The following CHEK2 variants were observed in gnomAD, a reference collection of about 807,000 sequenced individuals.
The protein encoded by CHEK2 is serine/threonine-protein kinase Chk2.
Under a neutral mutation model 69.1 loss-of-function variants are expected in CHEK2, and 71 were observed. That is an observed-to-expected ratio of 1.03 (90% confidence interval 0.85 to 1.25). The LOEUF is 1.25. CHEK2 is among the 50% of genes most tolerant of loss of function. The pLI, the probability that CHEK2 is intolerant of heterozygous loss-of-function variation, is 0.00. For missense variants in CHEK2, 664 were observed against 649.6 expected (o/e 1.02, Z -0.24); for synonymous variants, 189 against 226.9 (o/e 0.83, Z 1.50).
intron 7 of CHEK2, among the ~76,000 whole-genome samples, chr22:28,705,623 T>C (rs1398016717): frequency 2.0e-5 from 3 of 152,096 alleles, no homozygotes; most frequent in Non-Finnish European, 4.4e-5. Context: ...TACACATATA[T>C]GTGGCTTTAA....
At chr22:28,735,319 T>C (rs1241904782) in intron 1 of CHEK2, among the ~76,000 whole-genome samples, 1 of 151,886 alleles carries the variant, frequency 6.6e-6, no homozygotes, top group African/African-American at 2.4e-5. Context: ...GGCAGGAGAA[T>C]CGCTTGAGCC....
At chr22:28,738,947 A>C (rs747903649) in intron 1 of CHEK2, among the ~76,000 whole-genome samples, 7 of 152,236 alleles carry the variant, frequency 4.6e-5, no homozygotes, top group African/African-American at 1.7e-4. Context: ...GATGAAACTC[A>C]ACTGCAGAAA....
chr22:28,712,266 C>T lies in CHEK2; in HGVS notation c.684-249G>A, dbSNP rs1027191340. On this transcript the variant is annotated intron_variant, in intron 5 of 14. Coordinates refer to ENST00000404276, the MANE Select transcript of CHEK2 (RefSeq NM_007194.4). ...AATACAAACATGGGTCTTACTGTAGCCCTGGATTGTGAAATTCCCAGAAAG... is the reference window on the plus strand; with the variant it reads ...AATACAAACATGGGTCTTACTGTAGTCCTGGATTGTGAAATTCCCAGAAAG... 1.2e-5 allele frequency: 6 copies of T among 499,886 alleles called. No individual in the cohort carries two copies. The South Asian group carries it at 1.4e-4, about 11-fold the overall frequency. 31.0% of individuals were successfully genotyped at this position (499,886 alleles called of 1,614,324 possible). A position where few individuals can be genotyped will look rare whatever the true frequency, so the allele number is the denominator to read the frequency against.
intron 7 of CHEK2, 109 bp from the exon 8 acceptor site, chr22:28,703,675 C>A: frequency 1.4e-6 from 1 of 715,450 alleles, no homozygotes. Flanking sequence ...GAACAGGCAT[C>A]TGGCCCCCTG....
intron 2 of CHEK2, chr22:28,730,380 A>C: frequency 1.9e-6 from 1 of 539,244 alleles, no homozygotes; most frequent in Non-Finnish European, 3.4e-6. Flanking sequence ...GAAAAGGGAA[A>C]GAGAAAGGGA....
At chr22:28,695,939 G>C in intron 10 of CHEK2, 66 bp from the exon 11 acceptor site, 1 of 1,313,550 alleles carries the variant, frequency 7.6e-7, no homozygotes, top group South Asian at 1.2e-5. Flanking sequence ...AACATAGTCT[G>C]CCAGTCCAAG....
chr22:28,708,326 G>A (rs1171649962), intron 7 of CHEK2, among the ~76,000 whole-genome samples: 7 of 149,876 alleles, frequency 4.7e-5, no homozygotes, highest in African/African-American at 1.5e-4. Context: ...CCACTACACT[G>A]AAGCCTGGGT....
rs541708491 is a variant in CHEK2 at position 28,729,434 on chromosome 22, C to T, written c.320-4067G>A. ...GCGGGCGCCTGTAGTCCCAGCTACT[C>T]GGGAGGCTGAGGCAAGAGAATGGCG... On this transcript the variant is annotated intron_variant, in intron 2 of 14. Transcript: ENST00000404276. 8 of 153,908 alleles carry T rather than the reference C, an allele frequency of 5.2e-5. No individual in the cohort carries two copies. The South Asian group carries it at 8.4e-4, about 16-fold the overall frequency. 9.5% of individuals were successfully genotyped at this position (153,908 alleles called of 1,614,324 possible).
chr22:28,727,466 C>T (rs1407570059), intron 2 of CHEK2, among the ~76,000 whole-genome samples: 1 of 152,152 alleles, frequency 6.6e-6, no homozygotes, highest in Non-Finnish European at 1.5e-5. Flanking sequence ...CTCCCCACCT[C>T]CCTGCATTAG....
At chr22:28,716,572 G>T (rs566812877) in intron 5 of CHEK2, among the ~76,000 whole-genome samples, 1 of 152,300 alleles carries the variant, frequency 6.6e-6, no homozygotes, top group African/African-American at 2.4e-5. Context: ...ATCAGTTACT[G>T]AATTCAGTAT....
At chr22:28,722,459 G>A (rs1268245994) in intron 4 of CHEK2, among the ~76,000 whole-genome samples, 1 of 145,254 alleles carries the variant, frequency 6.9e-6, no homozygotes, top group Admixed American at 7.1e-5. Flanking sequence ...AGAATGGCGT[G>A]AACCCAGGAG....
chr22:28,740,303 A>G (rs2054519360), intron 1 of CHEK2, among the ~76,000 whole-genome samples: 1 of 152,226 alleles, frequency 6.6e-6, no homozygotes, highest in Admixed American at 6.6e-5. Flanking sequence ...GGACTTTATT[A>G]GGTCAAAATG....
chr22:28,717,954 G>C (rs892800260), intron 5 of CHEK2, among the ~76,000 whole-genome samples: 1 of 152,066 alleles, frequency 6.6e-6, no homozygotes, highest in East Asian at 1.9e-4. Context: ...GATGGTGCAA[G>C]CCTGTAGTCC....
rs755107963 is a variant in CHEK2 at position 28,722,539 on chromosome 22, CAAAAAAA to C, written c.592+2431_592+2437del. 1.3e-3 allele frequency among the ~76,000 whole-genome samples: 88 copies of C among 67,938 alleles called. 1 individual carries two copies. Among genetic ancestry groups the C allele is most frequent in the African/African-American group, 4.8e-3 (86 of 17,942 alleles). 44.6% of individuals were successfully genotyped at this position (67,938 alleles called of 152,430 possible). On this transcript the variant is annotated intron_variant, in intron 4 of 14. Transcript: ENST00000404276. ...TGGGCGATAGAGCCAGACTCCGTCTCAAAAAAAAAAAAAAAAAAAAGAAAAGAAAAGA... is the reference window on the plus strand; with the variant it reads ...TGGGCGATAGAGCCAGACTCCGTCTCAAAAAAAAAAAAAGAAAAGAAAAGA...
At chr22:28,699,344 A>C (rs1300648081) in intron 9 of CHEK2, among the ~76,000 whole-genome samples, 1 of 145,754 alleles carries the variant, frequency 6.9e-6, no homozygotes, top group Non-Finnish European at 1.5e-5. Flanking sequence ...CTCTTAAGCT[A>C]CACAGTGAGA....
At position 28,728,563 on chromosome 22, in the gene CHEK2, G is replaced by A. The variant is rs183357508; in HGVS notation, c.320-3196C>T. 5.9e-5 allele frequency among the ~76,000 whole-genome samples: 9 copies of A among 152,246 alleles called. No homozygotes were observed. The East Asian group carries it at 1.2e-3, about 20-fold the overall frequency. On this transcript the variant is annotated intron_variant, in intron 2 of 14. Coordinates refer to ENST00000404276, the MANE Select transcript of CHEK2 (RefSeq NM_007194.4). Reference sequence around the variant, plus strand: ...AAAACAAAAAAAAATTTAGCCAGGTGTGGTGGCGCGCCCCTGTAGTCCCAG... The same window carrying A: ...AAAACAAAAAAAAATTTAGCCAGGTATGGTGGCGCGCCCCTGTAGTCCCAG...
rs786202446 is a variant in CHEK2 at position 28,695,851 on chromosome 22, T to C, written c.1118A>G (p.Lys373Arg). 2 of 1,613,500 alleles carry C rather than the reference T, an allele frequency of 1.2e-6. No individual in the cohort carries two copies. Among genetic ancestry groups the C allele is most frequent in the Middle Eastern group, 1.7e-4 (1 of 6,056 alleles). ...CATGAGAGAGGTCTCTCCCAAAATC[T>C]TGGAGTGCCCAAAATCAGTAATCTA... is the stretch of plus-strand genomic sequence containing the variant. The part of the protein sequence containing the change: ...LIKITDFGHS[K>R]ILGETSLMRT... The change falls in exon 11 of 15, where the codon AAG becomes AGG. Residue 373 changes from lysine to arginine, a missense_variant. By Grantham distance (26) the Lys-to-Arg change is conservative (BLOSUM62 2). Transcript: ENST00000404276.
chr22:28,707,993 C>T (rs574293908), intron 7 of CHEK2, among the ~76,000 whole-genome samples: 102 of 151,466 alleles, frequency 6.7e-4, no homozygotes, highest in African/African-American at 2.4e-3. Flanking sequence ...CCCGCCACCA[C>T]GCCCGGCTAA....
intron 11 of CHEK2, among the ~76,000 whole-genome samples, 191 bp from the exon 12 acceptor site, chr22:28,695,433 G>T (rs1355423739): frequency 3.9e-5 from 6 of 152,154 alleles, no homozygotes; most frequent in Admixed American, 3.9e-4. Flanking sequence ...GAGGCAGGAG[G>T]ATCACTTGAG....
Sources: gnomAD v4.1 joint callset for allele counts (sites outside exome capture counted in the v4.1 genomes callset) on GRCh38, gnomAD v4.1.1 for gene constraint, MANE v1.5 for transcripts, NCBI Gene and HGNC (gene_info 2026-07-23, HGNC 2026-07-21) for gene names.